Variants in PCP4 observed in about 807,000 individuals in gnomAD.
The protein encoded by PCP4 is Purkinje cell protein 4, also known as calmodulin regulator protein PCP4.
A neutral mutation model predicts 10.0 loss-of-function variants in PCP4; 8 were observed. The observed-to-expected ratio is 0.80, with a 90% confidence interval of 0.47 to 1.45. The LOEUF is 1.45. Ranked by LOEUF, PCP4 falls within the 40% of genes most tolerant of loss-of-function variation. PCP4 has a pLI of 0.00. For missense variants in PCP4, 54 were observed against 74.4 expected (o/e 0.73, Z 1.01); for synonymous variants, 21 against 23.0 (o/e 0.91, Z 0.24).
At chr21:39,908,296 A>C (rs998144733) in intron 2 of PCP4, among the ~76,000 whole-genome samples, 1 of 152,132 alleles carries the variant, frequency 6.6e-6, no homozygotes, top group African/African-American at 2.4e-5. Flanking sequence ...TGTTCCCCAC[A>C]GTCGGTGTAA....
At chr21:39,927,079 CA>C (rs1838477527) in intron 2 of PCP4, among the ~76,000 whole-genome samples, 7 of 152,298 alleles carry the variant, frequency 4.6e-5, no homozygotes, top group Admixed American at 4.6e-4. Flanking sequence ...CTTCCAAAGC[CA>C]GAGCTGACAT....
intron 2 of PCP4, among the ~76,000 whole-genome samples, chr21:39,905,353 G>A (rs2146341157): frequency 6.6e-6 from 1 of 152,324 alleles, no homozygotes; most frequent in African/African-American, 2.4e-5. Context: ...CTGGAAGGAA[G>A]AAATGGACAC....
intron 2 of PCP4, among the ~76,000 whole-genome samples, chr21:39,900,025 T>C (rs2087475248): frequency 6.6e-6 from 1 of 152,120 alleles, no homozygotes; most frequent in Admixed American, 6.5e-5. Context: ...AGAGATCCTC[T>C]ATTGTCGTGA....
rs76367840 is a variant in PCP4 at position 39,878,716 on chromosome 21, C to G, written c.9+11206C>G. ...CTGTTATTTCCCTTTGTGAGAGTAT[C>G]TATCCGTGCTTGCTCATGGTAGAGT... is the stretch of plus-strand genomic sequence containing the variant. On this transcript the variant is annotated intron_variant, in intron 1 of 2. Coordinates refer to ENST00000328619, the MANE Select transcript of PCP4 (RefSeq NM_006198.3). 3.3e-3 allele frequency among the ~76,000 whole-genome samples: 498 copies of G among 152,298 alleles called. 4 individuals carry two copies. The highest frequency in any genetic ancestry group is 0.011 in the African/African-American group (478 of 41,574).
At chr21:39,903,834 A>C (rs946380609) in intron 2 of PCP4, among the ~76,000 whole-genome samples, 1 of 144,854 alleles carries the variant, frequency 6.9e-6, no homozygotes, top group Non-Finnish European at 1.5e-5. Flanking sequence ...TGCCACTGCA[A>C]TCCGGCCTGG....
chr21:39,926,515 C>G (rs2087622024), intron 2 of PCP4, among the ~76,000 whole-genome samples: 1 of 152,276 alleles, frequency 6.6e-6, no homozygotes, highest in South Asian at 2.1e-4. Context: ...GAATTTTTCC[C>G]CTTTGCACTC....
chr21:39,879,093 G>A (rs185546461), intron 1 of PCP4, among the ~76,000 whole-genome samples: 9 of 151,710 alleles, frequency 5.9e-5, no homozygotes, highest in Non-Finnish European at 1.2e-4. Context: ...GGGTTCAAGT[G>A]ATTCTCCTGC....
chr21:39,919,358 A>G (rs2087583972), intron 2 of PCP4, among the ~76,000 whole-genome samples: 1 of 152,260 alleles, frequency 6.6e-6, no homozygotes, highest in Non-Finnish European at 1.5e-5. Flanking sequence ...AGAACATTCT[A>G]AGAACCTTGG....
At chr21:39,923,865 CCCTCGTAGCTAAGGAGAATGT>C (rs1239374752) in intron 2 of PCP4, among the ~76,000 whole-genome samples, 4 of 152,230 alleles carry the variant, frequency 2.6e-5, no homozygotes, top group Non-Finnish European at 4.4e-5. Context: ...GTGGTGTGTG[CCCTCGTAGCTAAGGAGAATGT>C]CCTTTTGTAT....
At chr21:39,883,499 G>T (rs143020916) in intron 1 of PCP4, 1 of 152,238 alleles carries the variant, frequency 6.6e-6, no homozygotes, top group Non-Finnish European at 1.5e-5. Context: ...AAATGCATCC[G>T]TTGGAATCAG....
intron 2 of PCP4, among the ~76,000 whole-genome samples, chr21:39,921,567 A>G (rs1196028343): frequency 6.6e-6 from 1 of 152,254 alleles, no homozygotes; most frequent in Admixed American, 6.5e-5. Context: ...GTGCTGTTAT[A>G]GGCTGAGCCG....
chr21:39,922,068 T>C lies in PCP4; in HGVS notation c.62-6916T>C, dbSNP rs186553800. ...GATCTCACTATGTTGCCCAGGCTGG[T>C]CTCAAACTTCTGGGCTCAAGTGACC... On this transcript the variant is annotated intron_variant, in intron 2 of 2. Coordinates refer to ENST00000328619, the MANE Select transcript of PCP4 (RefSeq NM_006198.3). Among the ~76,000 whole-genome samples, 102 of 152,282 alleles carry C rather than the reference T, an allele frequency of 6.7e-4. 1 individual carries two copies. Among genetic ancestry groups the C allele is most frequent in the African/African-American group, 2.3e-3 (97 of 41,558 alleles).
At chr21:39,920,852 C>T (rs1260993704) in intron 2 of PCP4, among the ~76,000 whole-genome samples, 2 of 152,206 alleles carry the variant, frequency 1.3e-5, no homozygotes, top group Admixed American at 6.5e-5. Flanking sequence ...CCGTGAAGAG[C>T]CCTGGCTGCC....
intron 1 of PCP4, among the ~76,000 whole-genome samples, chr21:39,874,357 T>C (rs1162329725): frequency 6.6e-6 from 1 of 152,172 alleles, no homozygotes; most frequent in Admixed American, 6.5e-5. Context: ...GACGGTTTGA[T>C]AGCAAAATGG....
At chr21:39,899,166 C>T (rs1006966729) in intron 2 of PCP4, among the ~76,000 whole-genome samples, 3 of 152,096 alleles carry the variant, frequency 2.0e-5, no homozygotes, top group African/African-American at 7.2e-5. Context: ...ATGGGAAGTG[C>T]ATGGATCCTG....
intron 1 of PCP4, among the ~76,000 whole-genome samples, chr21:39,891,957 A>G (rs1314565129): frequency 6.6e-6 from 1 of 152,232 alleles, no homozygotes; most frequent in Non-Finnish European, 1.5e-5. Context: ...ACAGCACCAC[A>G]GGGAGGGGTT....
At chr21:39,895,074 T>C (rs1030539117) in intron 1 of PCP4, among the ~76,000 whole-genome samples, 4 of 151,964 alleles carry the variant, frequency 2.6e-5, no homozygotes, top group Non-Finnish European at 2.9e-5. Context: ...CACACACCCA[T>C]TCATCCATCC....
At chr21:39,922,384 A>G (rs1190708676) in intron 2 of PCP4, among the ~76,000 whole-genome samples, 1 of 152,222 alleles carries the variant, frequency 6.6e-6, no homozygotes, top group Non-Finnish European at 1.5e-5. Context: ...AATAAAACAT[A>G]TAATTGCAGA....
intron 1 of PCP4, among the ~76,000 whole-genome samples, chr21:39,870,064 A>G (rs904932331): frequency 6.6e-6 from 1 of 152,186 alleles, no homozygotes; most frequent in Non-Finnish European, 1.5e-5. Context: ...GAGGACCCCA[A>G]AGTGTCATAT....
Sources: allele counts gnomAD v4.1 joint callset (sites outside exome capture counted in the v4.1 genomes callset), GRCh38; gene constraint gnomAD v4.1.1; transcripts MANE v1.5; gene names NCBI Gene and HGNC (gene_info 2026-07-23, HGNC 2026-07-21).